The following INPP5D variants were observed in gnomAD, a reference collection of about 807,000 sequenced individuals.
INPP5D encodes the protein phosphatidylinositol 3,4,5-trisphosphate 5-phosphatase 1.
INPP5D carries 33 observed loss-of-function variants against 122.9 expected under a neutral mutation model. That is an observed-to-expected ratio of 0.27 (90% CI 0.20 to 0.36). INPP5D has a LOEUF of 0.36. Ranked by LOEUF, INPP5D falls within the 10% of genes least tolerant of loss-of-function variation. The pLI, the probability that INPP5D is intolerant of heterozygous loss-of-function variation, is 1.00. For synonymous variants in INPP5D, 584 were observed against 576.2 expected (o/e 1.01, Z -0.19); for missense variants, 1,053 against 1,412.7 (o/e 0.75, Z 4.08).
At chr2:233,161,635 G>A in intron 10 of INPP5D, 89 bp from the exon 11 acceptor site, 1 of 1,453,016 alleles carries the variant, frequency 6.9e-7, no homozygotes, top group Non-Finnish European at 9.1e-7. Context: ...GCTCCTCTCA[G>A]TTTTCTTGAA....
intron 12 of INPP5D, 96 bp downstream of exon 12, chr2:233,163,999 C>A (rs1329800273): frequency 1.1e-5 from 16 of 1,489,702 alleles, no homozygotes; most frequent in South Asian, 1.3e-5. Flanking sequence ...CCTATCAGCT[C>A]TCAGTTTTCA....
At chr2:233,124,511 C>G (rs904988802) in intron 3 of INPP5D, among the ~76,000 whole-genome samples, 3 of 152,210 alleles carry the variant, frequency 2.0e-5, no homozygotes, top group Non-Finnish European at 4.4e-5. Context: ...GTGAGCACTG[C>G]CCTCTGGAAT....
At chr2:233,142,447 T>C (rs1343513847) in intron 6 of INPP5D, among the ~76,000 whole-genome samples, 1 of 152,058 alleles carries the variant, frequency 6.6e-6, no homozygotes, top group Non-Finnish European at 1.5e-5. Context: ...CAGGGTTTGG[T>C]TAAGGAGTGA....
At chr2:233,086,119 C>CTTTCTTTCTT (rs1491216543) in intron 2 of INPP5D, among the ~76,000 whole-genome samples, 4 of 93,828 alleles carry the variant, frequency 4.3e-5, no homozygotes, top group African/African-American at 1.2e-4. Context: ...ATAAGATAGC[C>CTTTCTTTCTT]TCTTTCTTTC....
chr2:233,144,185 A>G lies in INPP5D; in HGVS notation c.754-1977A>G, dbSNP rs1221805784. ...GGTGATGGTGATGTTGGAGGTGGTC[A>G]TGATCATGGTAGAACTGGTAGGGGT... On this transcript the variant is annotated intron_variant, in intron 6 of 26. Transcript: ENST00000445964. Among the ~76,000 whole-genome samples the G allele has an allele frequency of 3.2e-3, 427 of 135,292 alleles. 4 individuals are homozygous for G. Among genetic ancestry groups the G allele is most frequent in the African/African-American group, 0.011 (407 of 35,476 alleles). The allele number at this position is 135,292 out of a possible 152,430, so 88.8% of individuals were successfully genotyped here. A position where few individuals can be genotyped will look rare whatever the true frequency, so the allele number is the denominator to read the frequency against.
Position 233,177,809 on chromosome 2 carries a change from A to G in INPP5D, c.2071+463A>G, listed in dbSNP as rs1300262024. Among the ~76,000 whole-genome samples, 1 of 152,180 alleles carries G rather than the reference A, an allele frequency of 6.6e-6. No individual in the cohort carries two copies. The highest frequency in any genetic ancestry group is 1.9e-4 in the East Asian group (1 of 5,186). On this transcript the variant is annotated intron_variant, in intron 18 of 26. Transcript: ENST00000445964. The surrounding 1 kb of genome is among the most constrained non-coding windows in gnomAD (Gnocchi z 4.2). ...AGGCTGGTTGCAAACTCCTGACCTC[A>G]GGTGGTCAGCCCACCTCGGCCTCCC...
chr2:233,092,860 T>G (rs186759679), intron 2 of INPP5D, among the ~76,000 whole-genome samples: 1 of 151,990 alleles, frequency 6.6e-6, no homozygotes, highest in African/African-American at 2.4e-5. Context: ...CCAGGGGTGC[T>G]CCCACCCCAG....
At position 233,206,915 on chromosome 2, in the gene INPP5D, G is replaced by A. The variant is rs1291599408; in HGVS notation, c.*207G>A. Reference sequence around the variant, plus strand: ...CAAGTGCTGAGGCTGGAAGAAAAACGCACACCAGACGGGCAACAAACAGTC... The same window carrying A: ...CAAGTGCTGAGGCTGGAAGAAAAACACACACCAGACGGGCAACAAACAGTC... On this transcript the variant is annotated 3_prime_UTR_variant, in exon 27 of 27. Transcript: ENST00000445964. The surrounding 1 kb of genome is among the most constrained non-coding windows in gnomAD (Gnocchi z 4.0). The A allele has an allele frequency of 2.0e-5, 11 of 559,040 alleles. No individual in the cohort carries two copies. The highest frequency in any genetic ancestry group is 7.6e-5 in the African/African-American group (4 of 52,438). 34.6% of individuals were successfully genotyped at this position (559,040 alleles called of 1,614,324 possible). A position where few individuals can be genotyped will look rare whatever the true frequency, so the allele number is the denominator to read the frequency against.
chr2:233,104,536 G>T (rs1010035611), intron 2 of INPP5D, among the ~76,000 whole-genome samples: 1 of 152,126 alleles, frequency 6.6e-6, no homozygotes, highest in African/African-American at 2.4e-5. Flanking sequence ...AGGTGAGGTC[G>T]GAAGTGTGCT....
At chr2:233,152,066 G>T (rs1355979593) in intron 9 of INPP5D, among the ~76,000 whole-genome samples, 1 of 152,204 alleles carries the variant, frequency 6.6e-6, no homozygotes, top group Non-Finnish European at 1.5e-5. Context: ...GCATGTGTTG[G>T]TTCCATGACT....
chr2:233,175,520 C>T (rs1694598464), intron 17 of INPP5D, among the ~76,000 whole-genome samples: 1 of 151,978 alleles, frequency 6.6e-6, no homozygotes, highest in Non-Finnish European at 1.5e-5. Context: ...AGGATGATGG[C>T]GGTTTTCTGT....
At chr2:233,093,682 CAA>C (rs11443116) in intron 2 of INPP5D, among the ~76,000 whole-genome samples, 57 of 85,838 alleles carry the variant, frequency 6.6e-4, no homozygotes, top group Admixed American at 5.1e-4. Context: ...ACACTGTCTC[CAA>C]AAAAAAAAAA....
intron 1 of INPP5D, among the ~76,000 whole-genome samples, chr2:233,075,860 G>A (rs541893349): frequency 6.6e-6 from 1 of 152,298 alleles, no homozygotes; most frequent in African/African-American, 2.4e-5. Flanking sequence ...CATTGGCTAT[G>A]CAGGGTCATT....
intron 2 of INPP5D, among the ~76,000 whole-genome samples, chr2:233,121,341 T>C (rs1692969907): frequency 6.6e-6 from 1 of 151,688 alleles, no homozygotes; most frequent in South Asian, 2.1e-4. Flanking sequence ...TTTCATCATG[T>C]TGGCCAGACT....
At chr2:233,085,580 C>G (rs1406302503) in intron 2 of INPP5D, among the ~76,000 whole-genome samples, 3 of 152,074 alleles carry the variant, frequency 2.0e-5, no homozygotes, top group African/African-American at 7.2e-5. Context: ...GTTCACTTTG[C>G]AAACTCTGTT....
At chr2:233,126,144 G>A (rs1287821901) in intron 4 of INPP5D, among the ~76,000 whole-genome samples, 4 of 152,268 alleles carry the variant, frequency 2.6e-5, no homozygotes, top group Admixed American at 1.3e-4. Flanking sequence ...GCTCCACGGG[G>A]GTGGGGGAGC....
intron 2 of INPP5D, among the ~76,000 whole-genome samples, chr2:233,083,919 A>C (rs1178449249): frequency 6.6e-6 from 1 of 152,214 alleles, no homozygotes; most frequent in African/African-American, 2.4e-5. Context: ...AATAAAGCAG[A>C]AAATTAGAAC....
chr2:233,093,661 G>A (rs1179819021), intron 2 of INPP5D, among the ~76,000 whole-genome samples: 6 of 144,834 alleles, frequency 4.1e-5, no homozygotes, highest in South Asian at 2.2e-4. Context: ...CAGTCTGGGC[G>A]ACAGAGTGAG....
At chr2:233,122,699 C>T (rs564152528) in intron 3 of INPP5D, among the ~76,000 whole-genome samples, 1 of 151,980 alleles carries the variant, frequency 6.6e-6, no homozygotes, top group South Asian at 2.1e-4. Context: ...CCTAGCTACT[C>T]GGGAGGCCGA....
Sources: allele counts gnomAD v4.1 joint callset (sites outside exome capture counted in the v4.1 genomes callset), GRCh38; gene constraint gnomAD v4.1.1; non-coding constraint Gnocchi (gnomAD v3.1); transcripts MANE v1.5; gene names NCBI Gene and HGNC (gene_info 2026-07-23, HGNC 2026-07-21).